Variants in AGPS observed in about 807,000 individuals in gnomAD.
AGPS encodes the protein alkylglycerone phosphate synthase, also known as alkyldihydroxyacetonephosphate synthase, peroxisomal.
A neutral mutation model predicts 90.7 loss-of-function variants in AGPS; 26 were observed. That is an observed-to-expected ratio of 0.29 (90% CI 0.21 to 0.40). AGPS has a LOEUF of 0.40. AGPS is among the 10% of genes least tolerant of loss of function. The pLI is 1.00. For missense variants in AGPS, 540 were observed against 816.1 expected (o/e 0.66, Z 4.12); for synonymous variants, 294 against 285.3 (o/e 1.03, Z -0.31).
chr2:177,433,587 T>C (rs1686304833), intron 2 of AGPS, among the ~76,000 whole-genome samples: 1 of 152,258 alleles, frequency 6.6e-6, no homozygotes, highest in Non-Finnish European at 1.5e-5. Flanking sequence ...CAGTTTGTTC[T>C]TGTCTAGTAA....
At chr2:177,475,239 C>T (rs2105685083) in intron 10 of AGPS, among the ~76,000 whole-genome samples, 1 of 152,166 alleles carries the variant, frequency 6.6e-6, no homozygotes, top group East Asian at 1.9e-4. Context: ...GACAGATAAT[C>T]TTAGTGATAT....
chr2:177,456,717 A>C (rs551820046), intron 8 of AGPS, among the ~76,000 whole-genome samples: 9 of 152,306 alleles, frequency 5.9e-5, no homozygotes, highest in African/African-American at 1.9e-4. Context: ...TTAATCGTAT[A>C]TATAATATTG....
intron 19 of AGPS, among the ~76,000 whole-genome samples, chr2:177,536,225 T>G (rs73976777): frequency 6.6e-6 from 1 of 152,118 alleles, no homozygotes; most frequent in Admixed American, 6.6e-5. Context: ...TTGGAGCAGT[T>G]GTTTGCAGTC....
At chr2:177,401,784 G>A (rs1440431975) in intron 1 of AGPS, among the ~76,000 whole-genome samples, 4 of 152,300 alleles carry the variant, frequency 2.6e-5, no homozygotes, top group Non-Finnish European at 4.4e-5. Flanking sequence ...GACCTCAGGT[G>A]ATCTGTCCGC....
chr2:177,456,047 A>T (rs970742747), intron 8 of AGPS, among the ~76,000 whole-genome samples: 4 of 152,210 alleles, frequency 2.6e-5, no homozygotes, highest in African/African-American at 9.6e-5. Flanking sequence ...TGAGTCAGAC[A>T]TGGTGGCTTA....
intron 1 of AGPS, among the ~76,000 whole-genome samples, chr2:177,404,301 T>G (rs1685407793): frequency 1.3e-5 from 2 of 152,122 alleles, no homozygotes; most frequent in Non-Finnish European, 2.9e-5. Flanking sequence ...GAGGGAGAGC[T>G]AAGACGACTG....
chr2:177,437,685 A>G (rs778527603), intron 5 of AGPS, among the ~76,000 whole-genome samples: 10 of 152,112 alleles, frequency 6.6e-5, no homozygotes, highest in Non-Finnish European at 1.0e-4. Context: ...GCTGTCCATT[A>G]TTGCATTTTT....
At chr2:177,407,294 T>C (rs1333246470) in intron 1 of AGPS, among the ~76,000 whole-genome samples, 1 of 152,198 alleles carries the variant, frequency 6.6e-6, no homozygotes, top group Non-Finnish European at 1.5e-5. Context: ...AATAGAGTGC[T>C]AAAATAGTTT....
intron 8 of AGPS, among the ~76,000 whole-genome samples, chr2:177,457,224 C>A (rs553900397): frequency 7.9e-5 from 12 of 152,016 alleles, no homozygotes; most frequent in South Asian, 4.2e-4. Context: ...ACACTAAATG[C>A]CCACAAGAGA....
At chr2:177,510,383 C>T (rs370649813) in intron 16 of AGPS, among the ~76,000 whole-genome samples, 3 of 152,168 alleles carry the variant, frequency 2.0e-5, no homozygotes, top group African/African-American at 7.2e-5. Flanking sequence ...GACCCACCTT[C>T]TAATACCATC....
chr2:177,460,412 A>T (rs1354565778), intron 8 of AGPS, among the ~76,000 whole-genome samples: 3 of 152,220 alleles, frequency 2.0e-5, no homozygotes, highest in African/African-American at 7.2e-5. Context: ...GAATAATAAT[A>T]GTGTCAGCTT....
intron 14 of AGPS, among the ~76,000 whole-genome samples, chr2:177,500,295 A>G (rs1688521832): frequency 6.6e-6 from 1 of 151,978 alleles, no homozygotes; most frequent in South Asian, 2.1e-4. Flanking sequence ...GGATTATAAG[A>G]CTGATTGATG....
rs750572330 is a variant in AGPS at position 177,437,011 on chromosome 2, G to A, written c.594G>A (p.Arg198=). 6.2e-7 allele frequency: 1 copy of A among 1,613,358 alleles called. No individual in the cohort carries two copies. The highest frequency in any genetic ancestry group is 8.5e-7 in the Non-Finnish European group (1 of 1,179,704). The change falls in exon 5 of 20, where the codon AGG becomes AGA. Residue 198 remains arginine (R), a synonymous_variant. Coordinates refer to ENST00000264167, the MANE Select transcript of AGPS (RefSeq NM_003659.4). ...GHCLHEIFLL[R]EGMFERIPDI... is the part of the protein sequence containing the mutation. ...GTCTTCATGAGATATTTTTGCTCAG[G>A]GAAGGAATGTTTGAGCGAATTCCTG...
chr2:177,403,926 AT>A (rs1303573978), intron 1 of AGPS, among the ~76,000 whole-genome samples: 5 of 152,206 alleles, frequency 3.3e-5, no homozygotes, highest in Admixed American at 3.3e-4. Context: ...GCTTTTTACA[AT>A]TAAATCCTTA....
At chr2:177,395,755 G>C (rs983322448) in intron 1 of AGPS, among the ~76,000 whole-genome samples, 1 of 152,150 alleles carries the variant, frequency 6.6e-6, no homozygotes, top group Non-Finnish European at 1.5e-5. Flanking sequence ...TATTACTTTG[G>C]ATGATAACAT....
At chr2:177,402,488 C>G (rs1685356727) in intron 1 of AGPS, among the ~76,000 whole-genome samples, 1 of 152,122 alleles carries the variant, frequency 6.6e-6, no homozygotes, top group African/African-American at 2.4e-5. Flanking sequence ...AGCTTTTACA[C>G]CTTTTATTGT....
chr2:177,493,321 A>G (rs1279051220), intron 12 of AGPS, 122 bp downstream of exon 12: 2 of 864,386 alleles, frequency 2.3e-6, no homozygotes, highest in East Asian at 2.5e-5. Flanking sequence ...GGAAGATGTC[A>G]GTCTAATGAA....
chr2:177,450,204 G>A (rs1434352618), intron 8 of AGPS, among the ~76,000 whole-genome samples: 1 of 151,930 alleles, frequency 6.6e-6, no homozygotes, highest in Non-Finnish European at 1.5e-5. Flanking sequence ...ATTTATTCTG[G>A]GAATAAGTCT....
intron 11 of AGPS, among the ~76,000 whole-genome samples, chr2:177,487,417 T>C (rs1688127715): frequency 6.6e-6 from 1 of 152,188 alleles, no homozygotes; most frequent in African/African-American, 2.4e-5. Context: ...AATTTTTCCT[T>C]CCTTCTATCA....
Sources: gnomAD v4.1 joint callset for allele counts (sites outside exome capture counted in the v4.1 genomes callset) on GRCh38, gnomAD v4.1.1 for gene constraint, MANE v1.5 for transcripts, NCBI Gene and HGNC (gene_info 2026-07-23, HGNC 2026-07-21) for gene names.